The following SCAPER variants were observed in gnomAD, a reference collection of about 807,000 sequenced individuals.
SCAPER encodes S-phase cyclin A associated protein in the ER, also known as S phase cyclin A-associated protein in the endoplasmic reticulum.
SCAPER carries 98 observed loss-of-function variants against 182.2 expected under a neutral mutation model. The observed-to-expected ratio is 0.54, with a 90% CI of 0.46 to 0.64. The LOEUF (loss-of-function observed/expected upper bound fraction) is 0.64, where lower values mean the gene tolerates loss of function less well. SCAPER is among the 30% of genes least tolerant of loss of function. The probability of loss-of-function intolerance (pLI) is 0.00; values close to 1 mark genes in which losing one functional copy is unlikely to be tolerated. For synonymous variants in SCAPER, 605 were observed against 564.6 expected (o/e 1.07, Z -1.01); for missense variants, 1,432 against 1,690.0 (o/e 0.85, Z 2.68).
intron 22 of SCAPER, among the ~76,000 whole-genome samples, chr15:76,619,319 A>G (rs547028265): frequency 7.9e-5 from 12 of 152,192 alleles, no homozygotes; most frequent in Non-Finnish European, 1.6e-4. Context: ...GTATGAACCT[A>G]TACATTCATC....
At chr15:76,606,760 C>T (rs551116297) in intron 22 of SCAPER, among the ~76,000 whole-genome samples, 1 of 151,858 alleles carries the variant, frequency 6.6e-6, no homozygotes, top group East Asian at 1.9e-4. Context: ...GATCCCTTTA[C>T]CATTATGTAA....
At chr15:76,815,408 TACAC>T (rs1252845145) in intron 5 of SCAPER, among the ~76,000 whole-genome samples, 2 of 152,162 alleles carry the variant, frequency 1.3e-5, no homozygotes, top group African/African-American at 4.8e-5. Flanking sequence ...GGTGTATATA[TACAC>T]ACACATACAT....
intron 25 of SCAPER, among the ~76,000 whole-genome samples, chr15:76,448,781 T>A (rs1308106626): frequency 6.6e-6 from 1 of 151,964 alleles, no homozygotes. Context: ...AAGAACTGAG[T>A]GGCATGGTGG....
At chr15:76,838,173 G>A (rs1279390816) in intron 5 of SCAPER, among the ~76,000 whole-genome samples, 2 of 152,156 alleles carry the variant, frequency 1.3e-5, no homozygotes, top group South Asian at 2.1e-4. Context: ...ATGGTAGACT[G>A]GATAAAGAAA....
intron 5 of SCAPER, among the ~76,000 whole-genome samples, chr15:76,826,517 C>T (rs2068034035): frequency 6.7e-6 from 1 of 149,200 alleles, no homozygotes; most frequent in Admixed American, 6.7e-5. Flanking sequence ...ACATATGTAA[C>T]TAACCTGCAC....
Position 76,890,364 on chromosome 15 carries a change from T to A in SCAPER, c.-59-6488A>T, listed in dbSNP as rs935372727. ...GAGACACAAAAAACCCTTCAAAAAA[T>A]AAATGAATCCAGGAGCTGTTTTTTT... is the stretch of plus-strand genomic sequence containing the variant. On this transcript the variant is annotated intron_variant, in intron 1 of 31. Transcript: ENST00000563290. 2.0e-5 allele frequency among the ~76,000 whole-genome samples: 3 copies of A among 151,980 alleles called. No homozygotes were observed. In the East Asian group the frequency reaches 5.8e-4, roughly 29 times the overall value.
chr15:76,576,607 T>A (rs2047839627), intron 22 of SCAPER, among the ~76,000 whole-genome samples: 2 of 152,146 alleles, frequency 1.3e-5, no homozygotes, highest in Admixed American at 1.3e-4. Flanking sequence ...ATCACCACAG[T>A]ACCTGATTTT....
intron 20 of SCAPER, among the ~76,000 whole-genome samples, chr15:76,683,329 G>A (rs537904686): frequency 2.0e-5 from 3 of 151,958 alleles, no homozygotes; most frequent in African/African-American, 7.3e-5. Context: ...CTGGTTCTCC[G>A]AATTAACTCA....
At chr15:76,854,871 C>G (rs1212507352) in intron 4 of SCAPER, among the ~76,000 whole-genome samples, 1 of 150,754 alleles carries the variant, frequency 6.6e-6, no homozygotes, top group African/African-American at 2.4e-5. Flanking sequence ...ACTTGGGAGG[C>G]TGAGGTAGGA....
intron 27 of SCAPER, among the ~76,000 whole-genome samples, chr15:76,384,756 A>G (rs187793895): frequency 2.5e-4 from 38 of 152,314 alleles, no homozygotes; most frequent in African/African-American, 7.9e-4. Flanking sequence ...CTTCCACAGG[A>G]CTAATGTAGA....
intron 17 of SCAPER, among the ~76,000 whole-genome samples, chr15:76,719,571 G>T (rs2060083942): frequency 6.6e-6 from 1 of 151,968 alleles, no homozygotes; most frequent in Non-Finnish European, 1.5e-5. Context: ...AAATAAAATG[G>T]GTAACTATGT....
chr15:76,896,871 A>G (rs1167296253), intron 1 of SCAPER, among the ~76,000 whole-genome samples: 1 of 152,194 alleles, frequency 6.6e-6, no homozygotes, highest in Non-Finnish European at 1.5e-5. Flanking sequence ...ACTTGAGCCC[A>G]GGAGATAGAG....
intron 4 of SCAPER, chr15:76,855,825 G>T: frequency 2.4e-6 from 1 of 425,158 alleles, no homozygotes; most frequent in Non-Finnish European, 4.8e-6. Flanking sequence ...ATTGCTGGGA[G>T]TGTAAATTAG....
chr15:76,696,086 G>C, intron 20 of SCAPER, among the ~76,000 whole-genome samples: 1 of 152,144 alleles, frequency 6.6e-6, no homozygotes, highest in East Asian at 1.9e-4. Flanking sequence ...TAAAATGACA[G>C]TGAATACTTC....
chr15:76,815,479 T>A (rs2066991169), intron 5 of SCAPER, among the ~76,000 whole-genome samples: 1 of 152,156 alleles, frequency 6.6e-6, no homozygotes, highest in African/African-American at 2.4e-5. Flanking sequence ...GTTAGGCAAT[T>A]TCATCATTGT....
At position 76,471,239 on chromosome 15, in the gene SCAPER, T is replaced by C. The variant is rs758085141; in HGVS notation, c.3051A>G (p.Leu1017=). 5.1e-5 allele frequency: 82 copies of C among 1,611,768 alleles called. No individual in the cohort carries two copies. Among genetic ancestry groups the C allele is most frequent in the Non-Finnish European group, 6.4e-5 (75 of 1,178,924 alleles). Residue 1017 remains leucine, a synonymous_variant, in exon 25 of 32, where the codon TTA becomes TTG. Coordinates refer to ENST00000563290, the MANE Select transcript of SCAPER (RefSeq NM_020843.4). ...DVLFSNKITF[L]MDLLIHQLTV... ...TCAACTGGTGTATCAGGAGGTCCAT[T>C]AAGAAGGTAATCTTGTTACTAAACA... is the stretch of plus-strand genomic sequence containing the variant.
chr15:76,896,816 C>A (rs1419759159), intron 1 of SCAPER, among the ~76,000 whole-genome samples: 7 of 152,172 alleles, frequency 4.6e-5, no homozygotes, highest in African/African-American at 1.7e-4. Context: ...CGTGGTGGCA[C>A]GCACCTGTAG....
chr15:76,456,280 C>A (rs962760946), intron 25 of SCAPER, among the ~76,000 whole-genome samples: 1 of 152,168 alleles, frequency 6.6e-6, no homozygotes. Flanking sequence ...ATTTACACTC[C>A]CACCTGCAGT....
chr15:76,889,240 C>A (rs1242006277), intron 1 of SCAPER, among the ~76,000 whole-genome samples: 1 of 152,170 alleles, frequency 6.6e-6, no homozygotes, highest in East Asian at 1.9e-4. Flanking sequence ...ATGGTAAAGA[C>A]CATCGATGCT....
Sources: gnomAD v4.1 joint callset for allele counts (sites outside exome capture counted in the v4.1 genomes callset) on GRCh38, gnomAD v4.1.1 for gene constraint, MANE v1.5 for transcripts, NCBI Gene and HGNC (gene_info 2026-07-23, HGNC 2026-07-21) for gene names.